The following ST7L variants were observed in gnomAD, a reference collection of about 807,000 sequenced individuals.
The protein encoded by ST7L is suppressor of tumorigenicity 7 protein-like.
A neutral mutation model predicts 72.5 loss-of-function variants in ST7L; 57 were observed. The ratio of observed to expected loss-of-function variants is 0.79; its 90% confidence interval spans 0.64 to 0.98. The LOEUF is 0.98. Among genes scored for constraint, ST7L ranks in the 50% least tolerant of loss-of-function variants. ST7L has a pLI of 0.00. For synonymous variants in ST7L, 221 were observed against 240.9 expected (o/e 0.92, Z 0.77); for missense variants, 576 against 672.2 (o/e 0.86, Z 1.58).
At chr1:112,591,409 C>A (rs1421985789) in intron 6 of ST7L, 116 bp downstream of exon 6, 2 of 808,528 alleles carry the variant, frequency 2.5e-6, no homozygotes, top group Non-Finnish European at 3.8e-6. Flanking sequence ...CTATAACATG[C>A]AAAAAGGAAA....
At chr1:112,570,571 A>G (rs1661928162) in intron 11 of ST7L, among the ~76,000 whole-genome samples, 1 of 133,322 alleles carries the variant, frequency 7.5e-6, no homozygotes, top group Admixed American at 7.3e-5. Context: ...ATATATATAT[A>G]CACACACACA....
intron 14 of ST7L, chr1:112,540,353 A>G (rs1655907372): frequency 1.0e-6 from 1 of 985,306 alleles, no homozygotes; most frequent in Non-Finnish European, 1.2e-6. Flanking sequence ...TTTTTATTCG[A>G]TGCCAGATTA....
intron 1 of ST7L, chr1:112,617,997 AT>A (rs1424831676): frequency 7.7e-7 from 1 of 1,303,900 alleles, no homozygotes; most frequent in South Asian, 1.2e-5. Flanking sequence ...ATTTCCGAAC[AT>A]TAACTCACAG....
At chr1:112,558,455 CATATT>C (rs905416670) in intron 11 of ST7L, among the ~76,000 whole-genome samples, 2 of 152,184 alleles carry the variant, frequency 1.3e-5, no homozygotes, top group Non-Finnish European at 2.9e-5. Flanking sequence ...ATGTACTCCT[CATATT>C]ATATCTAAAA....
chr1:112,595,398 G>C (rs74339739), intron 5 of ST7L, among the ~76,000 whole-genome samples: 1 of 97,114 alleles, frequency 1.0e-5, no homozygotes, highest in Non-Finnish European at 2.1e-5. Flanking sequence ...AAAAAAAAAA[G>C]AGCATTTGTT....
intron 11 of ST7L, among the ~76,000 whole-genome samples, chr1:112,560,097 A>G (rs1249570240): frequency 2.0e-5 from 3 of 151,782 alleles, no homozygotes; most frequent in African/African-American, 7.3e-5. Context: ...TGACTTTAAA[A>G]CAAAGCAATT....
At chr1:112,611,969 CAAAAAAAAA>C (rs146893029) in intron 2 of ST7L, among the ~76,000 whole-genome samples, 2 of 71,566 alleles carry the variant, frequency 2.8e-5, no homozygotes, top group African/African-American at 1.0e-4. Flanking sequence ...GACCCTGTCT[CAAAAAAAAA>C]AAAAAAAAAA....
chr1:112,546,456 G>A (rs1332635527), intron 13 of ST7L, among the ~76,000 whole-genome samples: 1 of 152,102 alleles, frequency 6.6e-6, no homozygotes, highest in Non-Finnish European at 1.5e-5. Context: ...GTCTATGAAG[G>A]GAAAGCCAAA....
intron 11 of ST7L, chr1:112,571,312 C>T: frequency 2.2e-6 from 1 of 456,266 alleles, no homozygotes; most frequent in Non-Finnish European, 4.4e-6. Flanking sequence ...TTGTCAACTG[C>T]TTTGATATTT....
rs192538197 is a variant in ST7L at position 112,535,315 on chromosome 1, T to G, written c.1629+6636A>C. Among the ~76,000 whole-genome samples the G allele has an allele frequency of 4.4e-3, 662 of 151,872 alleles. 3 individuals carry two copies. The highest frequency in any genetic ancestry group is 7.1e-3 in the Non-Finnish European group (482 of 67,966). On this transcript the variant is annotated intron_variant, in intron 14 of 14. Transcript: ENST00000358039. ...TGAGCCAGGAAGGTGGAGATTGCAG[T>G]GAGCCCAGATGGTGCCACTGCACTC...
intron 11 of ST7L, among the ~76,000 whole-genome samples, chr1:112,560,266 C>T (rs1256264258): frequency 1.3e-5 from 2 of 152,108 alleles, no homozygotes; most frequent in Admixed American, 6.6e-5. Flanking sequence ...TGGTGGCGGG[C>T]GCCTGTAGTC....
chr1:112,577,450 T>C (rs1571133900), intron 10 of ST7L, among the ~76,000 whole-genome samples: 1 of 142,594 alleles, frequency 7.0e-6, no homozygotes, highest in Non-Finnish European at 1.5e-5. Flanking sequence ...GAATCACTTG[T>C]ACCCGGGAGG....
intron 11 of ST7L, among the ~76,000 whole-genome samples, chr1:112,576,774 A>C (rs1390695484): frequency 6.6e-6 from 1 of 152,234 alleles, no homozygotes; most frequent in Non-Finnish European, 1.5e-5. Context: ...TTTGATAGTA[A>C]TTACAAAGCA....
At chr1:112,580,820 C>T (rs533797861) in intron 9 of ST7L, among the ~76,000 whole-genome samples, 14 of 152,200 alleles carry the variant, frequency 9.2e-5, no homozygotes, top group African/African-American at 2.9e-4. Context: ...CCCAGCTACT[C>T]GGGAGGCTGA....
chr1:112,581,402 T>TC (rs1442771865), intron 9 of ST7L, among the ~76,000 whole-genome samples: 2 of 149,006 alleles, frequency 1.3e-5, no homozygotes, highest in African/African-American at 4.9e-5. Flanking sequence ...CCCCGTCTTT[T>TC]TTTTTTTTTT....
chr1:112,540,783 T>G, intron 14 of ST7L: 1 of 1,281,884 alleles, frequency 7.8e-7, no homozygotes, highest in Non-Finnish European at 1.0e-6. Flanking sequence ...CATTACCAAG[T>G]AAGGACTAGT....
At chr1:112,532,846 G>A (rs1654590769) in intron 14 of ST7L, among the ~76,000 whole-genome samples, 1 of 152,006 alleles carries the variant, frequency 6.6e-6, no homozygotes, top group Non-Finnish European at 1.5e-5. Context: ...ATTTTATTGA[G>A]GCCTCATGAG....
intron 1 of ST7L, 179 bp downstream of exon 1, chr1:112,618,730 C>T (rs1373776026): frequency 4.6e-6 from 6 of 1,317,616 alleles, no homozygotes; most frequent in Non-Finnish European, 6.1e-6. Flanking sequence ...CCGGTAACGG[C>T]AGCAGGCTTG....
chr1:112,562,952 C>T (rs1211777355), intron 11 of ST7L, among the ~76,000 whole-genome samples: 3 of 151,798 alleles, frequency 2.0e-5, no homozygotes, highest in Non-Finnish European at 4.4e-5. Flanking sequence ...TTTAGAAATG[C>T]GTAGAAAATG....
Sources: allele counts gnomAD v4.1 joint callset (sites outside exome capture counted in the v4.1 genomes callset), GRCh38; gene constraint gnomAD v4.1.1; transcripts MANE v1.5; gene names NCBI Gene and HGNC (gene_info 2026-07-23, HGNC 2026-07-21).